The following MTFR1 variants were observed in gnomAD, a reference collection of about 807,000 sequenced individuals.
MTFR1 encodes chondrocyte protein with a poly-proline region.
MTFR1 carries 28 observed loss-of-function variants against 38.8 expected under a neutral mutation model. The observed-to-expected ratio is 0.72, with a 90% CI of 0.53 to 0.99. The LOEUF is 0.99. Among genes scored for constraint, MTFR1 ranks in the 50% least tolerant of loss-of-function variants. The pLI, the probability that MTFR1 is intolerant of heterozygous loss-of-function variation, is 0.00. For missense variants in MTFR1, 358 were observed against 395.5 expected (o/e 0.91, Z 0.81); for synonymous variants, 145 against 137.0 (o/e 1.06, Z -0.41).
chr8:65,723,310 A>T (rs914447467), intron 3 of MTFR1: 5 of 289,618 alleles, frequency 1.7e-5, no homozygotes, highest in Admixed American at 5.2e-5. Flanking sequence ...ACATAAGAAC[A>T]GAAACAAGTT....
intron 3 of MTFR1, among the ~76,000 whole-genome samples, chr8:65,766,671 T>TC (rs1331213774): frequency 6.6e-6 from 1 of 152,216 alleles, no homozygotes; most frequent in African/African-American, 2.4e-5. Context: ...CTCCTCTTCC[T>TC]CCATTATCTT....
At chr8:65,685,296 G>A (rs1805039263) in intron 3 of MTFR1, among the ~76,000 whole-genome samples, 2 of 152,190 alleles carry the variant, frequency 1.3e-5, no homozygotes, top group Admixed American at 6.5e-5. Context: ...CACAGGGCAA[G>A]TGGACATCAT....
intron 3 of MTFR1, among the ~76,000 whole-genome samples, chr8:65,688,140 C>T (rs1179911103): frequency 6.7e-6 from 1 of 148,648 alleles, no homozygotes; most frequent in South Asian, 2.1e-4. Flanking sequence ...GTGGCTCACA[C>T]CTATAATCCC....
intron 2 of MTFR1, among the ~76,000 whole-genome samples, chr8:65,676,980 GCA>G (rs142627153): frequency 0.042 from 6,287 of 150,844 alleles, 192 homozygotes; most frequent in Non-Finnish European, 0.063. Flanking sequence ...GCATGTGCGC[GCA>G]CACACACACA....
intron 2 of MTFR1, chr8:65,718,407 A>G (rs1020812235): frequency 6.6e-6 from 1 of 152,186 alleles, no homozygotes; most frequent in African/African-American, 2.4e-5. Flanking sequence ...CAGATTGGCA[A>G]ATACCCTGAG....
chr8:65,757,601 TTTTTGTTTTG>T lies in MTFR1; in HGVS notation c.*49-13327_*49-13318del, dbSNP rs368448878. Among the ~76,000 whole-genome samples, 546 of 148,674 alleles carry T rather than the reference TTTTTGTTTTG, an allele frequency of 3.7e-3. 3 individuals are homozygous for T. The highest frequency in any genetic ancestry group is 0.012 in the African/African-American group (490 of 41,420). The stretch of plus-strand genomic sequence containing the variant: ...TGTTGTCTCTTGCTCCAAGACTTTG[TTTTTGTTTTG>T]TTTTGTTTTGTTTTGTTTGTTTTTT... On this transcript the variant is annotated intron_variant, in intron 3 of 3. Coordinates refer to the MTFR1 transcript ENST00000521247.
intron 4 of MTFR1, among the ~76,000 whole-genome samples, chr8:65,702,297 C>CTTTTTTTTTTTTTTTTTTTTTTTTT (rs530863447): frequency 1.8e-5 from 2 of 110,272 alleles, no homozygotes; most frequent in Non-Finnish European, 3.9e-5. Flanking sequence ...TTCTTTCTTT[C>CTTTTTTTTTTTTTTTTTTTTTTTTT]TTTTTTTTTT....
At chr8:65,713,851 T>G (rs1806027480), downstream of MTFR1, among the ~76,000 whole-genome samples, 3 of 151,930 alleles carry the variant, frequency 2.0e-5, no homozygotes, top group East Asian at 2.0e-4. Context: ...GCCTGGCTAA[T>G]TTTTGTATTT....
chr8:65,659,184 C>T (rs1261840474), intron 1 of MTFR1, among the ~76,000 whole-genome samples: 2 of 152,108 alleles, frequency 1.3e-5, no homozygotes, highest in African/African-American at 2.4e-5. Flanking sequence ...CATTACCTTT[C>T]TCAAAATTTT....
At chr8:65,740,222 G>A (rs72666543) in intron 3 of MTFR1, among the ~76,000 whole-genome samples, 1,700 of 152,180 alleles carry the variant, frequency 0.011, 14 homozygotes, top group East Asian at 0.046. Context: ...CTACAAACTC[G>A]TAGTCAACAC....
Position 65,730,173 on chromosome 8 carries a change from T to TC in MTFR1, c.*48+10692_*48+10693insC, listed in dbSNP as rs201482339. ...TGAGGGATCCAGGTTGCGCACTTCT[T>TC]TTTTTTTTTTTTTTTTTTTTTTTTG... On this transcript the variant is annotated intron_variant, in intron 3 of 3. Coordinates refer to the MTFR1 transcript ENST00000521247. Among the ~76,000 whole-genome samples, 93 of 62,062 alleles carry TC rather than the reference T, an allele frequency of 1.5e-3. 6 individuals are homozygous for TC. The highest frequency in any genetic ancestry group is 7.9e-3 in the Middle Eastern group (1 of 126). 40.7% of individuals were successfully genotyped at this position (62,062 alleles called of 152,430 possible). A position where few individuals can be genotyped will look rare whatever the true frequency, so the allele number is the denominator to read the frequency against.
intron 3 of MTFR1, among the ~76,000 whole-genome samples, chr8:65,729,767 C>T (rs1418706913): frequency 2.0e-5 from 3 of 151,526 alleles, no homozygotes; most frequent in Non-Finnish European, 4.4e-5. Context: ...TGGGGTTTCA[C>T]CATGTTGGCC....
intron 3 of MTFR1, among the ~76,000 whole-genome samples, chr8:65,730,537 T>C (rs1011666419): frequency 6.6e-6 from 1 of 152,110 alleles, no homozygotes; most frequent in Admixed American, 6.5e-5. Flanking sequence ...AGTTTCATCC[T>C]GAAACCATCC....
intron 2 of MTFR1, among the ~76,000 whole-genome samples, chr8:65,681,358 G>C (rs1162377648): frequency 6.6e-6 from 1 of 152,202 alleles, no homozygotes; most frequent in Non-Finnish European, 1.5e-5. Flanking sequence ...GGCCTCAGGT[G>C]ATCCGCCCAT....
intron 4 of MTFR1, among the ~76,000 whole-genome samples, chr8:65,702,184 G>C (rs1488449759): frequency 6.6e-6 from 1 of 152,038 alleles, no homozygotes; most frequent in East Asian, 1.9e-4. Flanking sequence ...ATTTCTCATG[G>C]ATTGCTTCCT....
chr8:65,652,434 A>G (rs955411212), intron 1 of MTFR1, among the ~76,000 whole-genome samples: 4 of 151,038 alleles, frequency 2.6e-5, no homozygotes, highest in Non-Finnish European at 4.4e-5. Flanking sequence ...GGGTCTCCCT[A>G]TGTTATCCAG....
chr8:65,703,933 G>A (rs979208473), intron 4 of MTFR1, among the ~76,000 whole-genome samples: 23 of 152,098 alleles, frequency 1.5e-4, no homozygotes, highest in Non-Finnish European at 2.8e-4. Flanking sequence ...AAAAAATAAC[G>A]CAGGGCTCGG....
chr8:65,731,737 T>C (rs1229012520), intron 3 of MTFR1: 6 of 152,208 alleles, frequency 3.9e-5, no homozygotes, highest in Admixed American at 1.3e-4. Context: ...AAATATTTTT[T>C]TTTCCACATA....
intron 1 of MTFR1, among the ~76,000 whole-genome samples, chr8:65,662,404 A>G (rs533425201): frequency 4.0e-5 from 6 of 151,108 alleles, no homozygotes; most frequent in African/African-American, 9.7e-5. Flanking sequence ...TCAGTGCTCA[A>G]TGGTGCCCAG....
Sources: allele counts gnomAD v4.1 joint callset (sites outside exome capture counted in the v4.1 genomes callset), GRCh38; gene constraint gnomAD v4.1.1; transcripts MANE v1.5; gene names NCBI Gene and HGNC (gene_info 2026-07-23, HGNC 2026-07-21).